IMMP2L: variants seen among roughly 807,000 people sequenced by gnomAD.
IMMP2L encodes the protein mitochondrial inner membrane protease subunit 2.
Under a neutral mutation model 19.3 loss-of-function variants are expected in IMMP2L, and 18 were observed. The observed-to-expected ratio is 0.93, with a 90% CI of 0.64 to 1.38. The LOEUF is 1.38. IMMP2L is among the 40% of genes most tolerant of loss of function. IMMP2L has a pLI of 0.00. For missense variants in IMMP2L, 233 were observed against 218.2 expected, an observed-to-expected ratio of 1.07 and a Z score of -0.43; for synonymous variants, 76 against 73.0, an observed-to-expected ratio of 1.04 and a Z score of -0.21.
intron 3 of IMMP2L, among the ~76,000 whole-genome samples, chr7:111,447,533 G>C (rs1386466056): frequency 6.8e-6 from 1 of 146,076 alleles, no homozygotes; most frequent in Non-Finnish European, 1.5e-5. Context: ...CACCAGGCCT[G>C]CCCTAAAAGA....
At chr7:110,897,833 A>C (rs1372824929) in intron 4 of IMMP2L, among the ~76,000 whole-genome samples, 1 of 152,152 alleles carries the variant, frequency 6.6e-6, no homozygotes, top group Non-Finnish European at 1.5e-5. Flanking sequence ...AAAGCACATG[A>C]TATGATTTAT....
rs113368172 is a variant in IMMP2L at position 111,021,934 on chromosome 7, A to G, written c.240-58369T>C. On this transcript the variant is annotated intron_variant, in intron 3 of 5. Coordinates refer to ENST00000405709, the MANE Select transcript of IMMP2L (RefSeq NM_032549.4). ...AAGCATCCGATCTCCTGAGACAGCA[A>G]GGGAAAGACCCGCCCCCATGATTCA... Among the ~76,000 whole-genome samples, 417 of 152,286 alleles carry G rather than the reference A, an allele frequency of 2.7e-3. 1 individual carries two copies. The highest frequency in any genetic ancestry group is 9.6e-3 in the African/African-American group (398 of 41,556).
chr7:111,523,684 A>G (rs1846567325), intron 1 of IMMP2L, among the ~76,000 whole-genome samples: 1 of 152,138 alleles, frequency 6.6e-6, no homozygotes, highest in Admixed American at 6.6e-5. Context: ...TAACTTTAGA[A>G]TATAAGCAAT....
At chr7:110,814,107 G>T (rs1802261860) in intron 5 of IMMP2L, among the ~76,000 whole-genome samples, 1 of 151,910 alleles carries the variant, frequency 6.6e-6, no homozygotes, top group South Asian at 2.1e-4. Context: ...GTGAACATCA[G>T]CTAGAAATTG....
At chr7:110,792,027 G>A (rs1800492132) in intron 5 of IMMP2L, among the ~76,000 whole-genome samples, 1 of 151,750 alleles carries the variant, frequency 6.6e-6, no homozygotes, top group Non-Finnish European at 1.5e-5. Flanking sequence ...ACCCTTCAAA[G>A]TTGGGCAAGG....
chr7:111,423,982 C>A (rs2131625358), intron 3 of IMMP2L, among the ~76,000 whole-genome samples: 1 of 151,830 alleles, frequency 6.6e-6, no homozygotes, highest in East Asian at 1.9e-4. Flanking sequence ...AATGGTAAAG[C>A]AAGTGTAGTT....
At position 111,217,097 on chromosome 7, in the gene IMMP2L, G is replaced by GTC. The variant is rs34795971; in HGVS notation, c.240-253534_240-253533dup. On this transcript the variant is annotated intron_variant, in intron 3 of 5. Coordinates refer to ENST00000405709, the MANE Select transcript of IMMP2L (RefSeq NM_032549.4). Reference sequence around the variant, plus strand: ...TTCTGATCTCTCTCTCTCTCCCTCCGTCTCTCTCTCTCTCTCTCTCTCTCT... The same window carrying GTC: ...TTCTGATCTCTCTCTCTCTCCCTCCGTCTCTCTCTCTCTCTCTCTCTCTCTCT... Among the ~76,000 whole-genome samples the GTC allele has an allele frequency of 6.9e-3, 872 of 126,850 alleles. 9 individuals carry two copies. Among genetic ancestry groups the GTC allele is most frequent in the African/African-American group, 0.025 (823 of 32,764 alleles). 83.2% of individuals were successfully genotyped at this position (126,850 alleles called of 152,430 possible).
intron 3 of IMMP2L, among the ~76,000 whole-genome samples, chr7:110,977,464 A>C (rs1820818432): frequency 6.6e-6 from 1 of 152,026 alleles, no homozygotes; most frequent in Non-Finnish European, 1.5e-5. Flanking sequence ...TATAATGGAG[A>C]GTTCCATGGG....
chr7:111,129,496 A>G (rs1009611727), intron 3 of IMMP2L, among the ~76,000 whole-genome samples: 1 of 151,954 alleles, frequency 6.6e-6, no homozygotes, highest in Admixed American at 6.6e-5. Context: ...TCAATTAAAC[A>G]GAAAAGACTA....
intron 3 of IMMP2L, among the ~76,000 whole-genome samples, chr7:111,324,565 G>A (rs1259905700): frequency 6.6e-6 from 1 of 151,676 alleles, no homozygotes; most frequent in African/African-American, 2.4e-5. Flanking sequence ...GAGAAAACCA[G>A]TAAATATTTT....
At chr7:110,885,045 T>C (rs1197928275) in intron 5 of IMMP2L, among the ~76,000 whole-genome samples, 1 of 152,028 alleles carries the variant, frequency 6.6e-6, no homozygotes, top group East Asian at 1.9e-4. Context: ...ACCACCGACA[T>C]TAAATTTTAG....
intron 1 of IMMP2L, among the ~76,000 whole-genome samples, chr7:111,525,657 T>C (rs1350792917): frequency 6.6e-6 from 1 of 152,032 alleles, no homozygotes. Flanking sequence ...AGATGGACAA[T>C]GGTGGGAGAA....
intron 3 of IMMP2L, among the ~76,000 whole-genome samples, chr7:111,182,313 C>T (rs1356023529): frequency 6.6e-6 from 1 of 151,874 alleles, no homozygotes; most frequent in African/African-American, 2.4e-5. Flanking sequence ...TTTCTATTAC[C>T]TTCAGGTATT....
intron 5 of IMMP2L, among the ~76,000 whole-genome samples, chr7:110,885,155 C>T (rs1810085150): frequency 6.6e-6 from 1 of 151,794 alleles, no homozygotes; most frequent in African/African-American, 2.4e-5. Flanking sequence ...TACTTGAAAC[C>T]AGAAGTATTT....
intron 4 of IMMP2L, among the ~76,000 whole-genome samples, chr7:110,928,351 GCA>G (rs58639346): frequency 0.094 from 10,953 of 116,852 alleles, 527 homozygotes; most frequent in African/African-American, 0.11. Flanking sequence ...ATATGTACCT[GCA>G]CACACACACA....
intron 5 of IMMP2L, among the ~76,000 whole-genome samples, chr7:110,670,655 ACTCCAGC>A (rs1168469317): frequency 6.1e-5 from 9 of 148,512 alleles, no homozygotes; most frequent in Non-Finnish European, 1.0e-4. Context: ...ATGCCACTGC[ACTCCAGC>A]CTTGGTGACA....
intron 3 of IMMP2L, among the ~76,000 whole-genome samples, chr7:110,998,265 A>G (rs1780359244): frequency 6.6e-6 from 1 of 152,178 alleles, no homozygotes; most frequent in African/African-American, 2.4e-5. Context: ...ATTTAGGGTT[A>G]TGACAGGGTA....
chr7:111,070,930 A>T lies in IMMP2L; in HGVS notation c.240-107365T>A, dbSNP rs1048013592. On this transcript the variant is annotated intron_variant, in intron 3 of 5. Coordinates refer to ENST00000405709, the MANE Select transcript of IMMP2L (RefSeq NM_032549.4). ...TAAATTTCGGATCAGGAGAAAAATC[A>T]TGACTTTAAAAACATTTGTACTTTT... 4.6e-5 allele frequency among the ~76,000 whole-genome samples: 7 copies of T among 152,350 alleles called. No homozygotes were observed. In the East Asian group the frequency reaches 1.3e-3, roughly 29 times the overall value.
At chr7:111,107,275 ATAATT>A (rs1416551731) in intron 3 of IMMP2L, among the ~76,000 whole-genome samples, 2 of 152,114 alleles carry the variant, frequency 1.3e-5, no homozygotes, top group South Asian at 2.1e-4. Context: ...ATAAAGTCTA[ATAATT>A]TAAATTATAT....
Sources: allele counts gnomAD v4.1 joint callset (sites outside exome capture counted in the v4.1 genomes callset), GRCh38; gene constraint gnomAD v4.1.1; transcripts MANE v1.5; gene names NCBI Gene and HGNC (gene_info 2026-07-23, HGNC 2026-07-21).